Variants in DUSP10 observed in about 807,000 individuals in gnomAD.
The protein encoded by DUSP10 is dual specificity protein phosphatase 10.
A neutral mutation model predicts 30.8 loss-of-function variants in DUSP10; 14 were observed. The ratio of observed to expected loss-of-function variants is 0.46; its 90% CI spans 0.30 to 0.71. The LOEUF (loss-of-function observed/expected upper bound fraction) is 0.71, where lower values mean the gene tolerates loss of function less well. DUSP10 is among the 30% of genes least tolerant of loss of function. The pLI is 0.08. For missense variants in DUSP10, 550 were observed against 619.4 expected (o/e 0.89, Z 1.19); for synonymous variants, 254 against 250.4 (o/e 1.01, Z -0.14).
At chr1:221,740,717 T>C (rs536005525) in intron 1 of DUSP10, among the ~76,000 whole-genome samples, 8 of 152,284 alleles carry the variant, frequency 5.3e-5, no homozygotes, top group African/African-American at 1.9e-4. Flanking sequence ...TTCAATCCCA[T>C]ACAGATATCC....
chr1:221,718,271 G>C (rs1417048975), intron 2 of DUSP10, among the ~76,000 whole-genome samples: 1 of 152,160 alleles, frequency 6.6e-6, no homozygotes, highest in Non-Finnish European at 1.5e-5. Context: ...CTCCTCATTA[G>C]ATATATGCCC....
chr1:221,736,595 G>C (rs191239588), intron 2 of DUSP10, among the ~76,000 whole-genome samples: 42 of 152,330 alleles, frequency 2.8e-4, no homozygotes, highest in African/African-American at 9.4e-4. Context: ...TTTCACCACA[G>C]TGGTGCTATG....
intron 2 of DUSP10, among the ~76,000 whole-genome samples, chr1:221,710,479 T>C (rs1481878778): frequency 6.6e-6 from 1 of 152,156 alleles, no homozygotes; most frequent in Admixed American, 6.5e-5. Flanking sequence ...TCCAGCACAT[T>C]GTAAGTGCTT....
chr1:221,718,761 C>A (rs1245682744), intron 2 of DUSP10, among the ~76,000 whole-genome samples: 1 of 152,200 alleles, frequency 6.6e-6, no homozygotes, highest in Non-Finnish European at 1.5e-5. Context: ...ATCTTAGACC[C>A]CAAATTAAAC....
intron 2 of DUSP10, among the ~76,000 whole-genome samples, chr1:221,716,896 C>T (rs1661122622): frequency 1.3e-5 from 2 of 152,226 alleles, no homozygotes; most frequent in South Asian, 4.1e-4. Context: ...TACATTAACA[C>T]ATTTTTCACT....
Position 221,702,606 on chromosome 1 carries a change from C to A in DUSP10, c.1255G>T (p.Val419Phe). 6.2e-7 allele frequency: 1 copy of A among 1,614,086 alleles called. No homozygotes were observed. Among genetic ancestry groups the A allele is most frequent in the South Asian group, 1.1e-5 (1 of 91,072 alleles). The change falls in exon 4 of 4, where the codon GTC becomes TTC. Residue 419 changes from valine (V) to phenylalanine (F), a missense_variant. By Grantham distance (50) the Val-to-Phe change is conservative (BLOSUM62 -1). Coordinates refer to ENST00000366899, the MANE Select transcript of DUSP10 (RefSeq NM_007207.6). The surrounding 1 kb of genome is among the most constrained non-coding windows in gnomAD (Gnocchi z 4.5). The stretch of plus-strand genomic sequence containing the variant: ...GTGTGCTTCATCAAGTAAGCGATGA[C>A]GATGGTGGCGGAGCGGGACACCCCA... ...QAGVSRSATI[V>F]IAYLMKHTRM...
At chr1:221,711,160 G>A (rs1041605056) in intron 2 of DUSP10, among the ~76,000 whole-genome samples, 13 of 152,166 alleles carry the variant, frequency 8.5e-5, no homozygotes, top group African/African-American at 3.1e-4. Context: ...TAGTTTTAGT[G>A]GGAAACTTCT....
At chr1:221,709,003 A>T (rs1660853575) in intron 2 of DUSP10, among the ~76,000 whole-genome samples, 2 of 21,506 alleles carry the variant, frequency 9.3e-5, no homozygotes, top group East Asian at 8.3e-4. Flanking sequence ...CAGCTAGTTT[A>T]AAAAAAAAAA....
intron 2 of DUSP10, among the ~76,000 whole-genome samples, chr1:221,708,160 C>G (rs559430950): frequency 4.6e-5 from 7 of 152,326 alleles, no homozygotes; most frequent in Admixed American, 3.9e-4. Flanking sequence ...CATCTACCCT[C>G]AAAGACAGAT....
chr1:221,711,714 T>C (rs1162764846), intron 2 of DUSP10: 2 of 152,222 alleles, frequency 1.3e-5, no homozygotes, highest in African/African-American at 2.4e-5. Context: ...ATAATTTCTA[T>C]CTCACAGAGC....
chr1:221,733,023 C>T lies in DUSP10; in HGVS notation c.811+5911G>A, dbSNP rs180745955. ...TTAATATGTAGTCTATCTTTTTCAA[C>T]CAACTTGGATTAAACTGCCTAAGCA... On this transcript the variant is annotated intron_variant, in intron 2 of 3. Transcript: ENST00000366899. Among the ~76,000 whole-genome samples, 3 of 152,314 alleles carry T rather than the reference C, an allele frequency of 2.0e-5. No homozygotes were observed. In the East Asian group the frequency reaches 5.8e-4, roughly 29 times the overall value.
At chr1:221,738,687 A>G (rs1271804646) in intron 2 of DUSP10, among the ~76,000 whole-genome samples, 1 of 152,250 alleles carries the variant, frequency 6.6e-6, no homozygotes, top group Non-Finnish European at 1.5e-5. Flanking sequence ...AGAGAGGTGA[A>G]ATGACTTGCA....
At chr1:221,737,343 C>A (rs1311367330) in intron 2 of DUSP10, 9 of 985,418 alleles carry the variant, frequency 9.1e-6, no homozygotes, top group Middle Eastern at 5.2e-4. Context: ...CAAACTATTA[C>A]AAATGGGAAA....
rs187619822 is a variant in DUSP10, at chr1:221,729,700, G to T, written c.811+9234C>A. On this transcript the variant is annotated intron_variant, in intron 2 of 3. Transcript: ENST00000366899. ...TGGAAAATAATTTTCTAATTTCAGG[G>T]ATGATAGGTTGGTCACAGAGCCAGA... Among the ~76,000 whole-genome samples the T allele has an allele frequency of 2.3e-3, 349 of 152,268 alleles. 2 individuals are homozygous for T. The highest frequency in any genetic ancestry group is 8.1e-3 in the African/African-American group (337 of 41,552).
intron 2 of DUSP10, among the ~76,000 whole-genome samples, chr1:221,731,190 C>G (rs146362988): frequency 6.6e-6 from 1 of 152,098 alleles, no homozygotes; most frequent in Non-Finnish European, 1.5e-5. Flanking sequence ...GGGGAAATAA[C>G]GCAGGCTTCG....
intron 2 of DUSP10, among the ~76,000 whole-genome samples, chr1:221,729,198 C>T (rs1440716010): frequency 1.3e-5 from 2 of 152,108 alleles, no homozygotes; most frequent in Non-Finnish European, 2.9e-5. Flanking sequence ...CTGTCATGAC[C>T]AAAATTTAAA....
chr1:221,703,856 G>A (rs1355033643), intron 3 of DUSP10, among the ~76,000 whole-genome samples: 1 of 151,946 alleles, frequency 6.6e-6, no homozygotes, highest in Non-Finnish European at 1.5e-5. Context: ...ACCCACCAGT[G>A]GACCAAGGAA....
chr1:221,740,841 A>G (rs1343302609), intron 1 of DUSP10, among the ~76,000 whole-genome samples: 1 of 152,208 alleles, frequency 6.6e-6, no homozygotes, highest in Non-Finnish European at 1.5e-5. Flanking sequence ...AGTGTCTGCA[A>G]AAAGACAGCT....
chr1:221,709,335 G>C (rs537261691), intron 2 of DUSP10, among the ~76,000 whole-genome samples: 38 of 152,086 alleles, frequency 2.5e-4, no homozygotes, highest in South Asian at 1.7e-3. Context: ...TGGCGGAGTG[G>C]GGGGAGGAGG....
Sources: gnomAD v4.1 joint callset for allele counts (sites outside exome capture counted in the v4.1 genomes callset) on GRCh38, gnomAD v4.1.1 for gene constraint, Gnocchi (gnomAD v3.1) non-coding constraint, MANE v1.5 for transcripts, NCBI Gene and HGNC (gene_info 2026-07-23, HGNC 2026-07-21) for gene names.